The following MAGI2 variants were observed in gnomAD, a reference collection of about 807,000 sequenced individuals.
MAGI2 encodes the protein membrane-associated guanylate kinase, WW and PDZ domain-containing protein 2.
In MAGI2, 35 loss-of-function variants were observed where a neutral mutation model predicts 133.3. That is an observed-to-expected ratio of 0.26 (90% CI 0.20 to 0.35). The LOEUF (loss-of-function observed/expected upper bound fraction) is 0.35. Among genes scored for constraint, MAGI2 ranks in the 10% least tolerant of loss-of-function variants. The pLI is 1.00. For synonymous variants in MAGI2, 729 were observed against 710.6 expected (o/e 1.03, Z -0.41); for missense variants, 1,636 against 1,863.4 (o/e 0.88, Z 2.25).
chr7:78,569,916 G>A (rs1426884123), intron 3 of MAGI2, among the ~76,000 whole-genome samples: 2 of 152,108 alleles, frequency 1.3e-5, no homozygotes, highest in Admixed American at 1.3e-4. Flanking sequence ...TTGCCTGAAT[G>A]TTTTTGCTCA....
intron 2 of MAGI2, among the ~76,000 whole-genome samples, chr7:78,805,149 A>G (rs1331052297): frequency 6.6e-6 from 1 of 152,096 alleles, no homozygotes; most frequent in Non-Finnish European, 1.5e-5. Context: ...CTACGACTCT[A>G]AATATCTAGG....
At chr7:78,463,413 C>T (rs1328013130) in intron 6 of MAGI2, among the ~76,000 whole-genome samples, 1 of 152,192 alleles carries the variant, frequency 6.6e-6, no homozygotes, top group Non-Finnish European at 1.5e-5. Flanking sequence ...AAAGAACCAA[C>T]CCAGAAAGAG....
intron 1 of MAGI2, among the ~76,000 whole-genome samples, chr7:79,347,877 AG>A (rs1841435581): frequency 6.6e-6 from 1 of 151,970 alleles, no homozygotes; most frequent in Admixed American, 6.6e-5. Context: ...AAAAATCTTA[AG>A]TAAAATTACT....
intron 1 of MAGI2, among the ~76,000 whole-genome samples, chr7:79,206,825 C>T (rs2129552338): frequency 6.6e-6 from 1 of 151,802 alleles, no homozygotes; most frequent in Non-Finnish European, 1.5e-5. Flanking sequence ...CAAGTACTAA[C>T]AAATCAAATT....
chr7:78,404,368 C>G (rs926555139), intron 6 of MAGI2, among the ~76,000 whole-genome samples: 1 of 152,116 alleles, frequency 6.6e-6, no homozygotes, highest in Non-Finnish European at 1.5e-5. Context: ...CAAGTCAATC[C>G]TAAGCCAAAA....
At chr7:78,376,567 G>A (rs1386927571) in intron 6 of MAGI2, among the ~76,000 whole-genome samples, 1 of 152,050 alleles carries the variant, frequency 6.6e-6, no homozygotes, top group Non-Finnish European at 1.5e-5. Context: ...GATGAAAGAT[G>A]TGATTGCAGA....
At chr7:79,132,211 G>A (rs1485702624) in intron 1 of MAGI2, among the ~76,000 whole-genome samples, 1 of 151,932 alleles carries the variant, frequency 6.6e-6, no homozygotes, top group South Asian at 2.1e-4. Context: ...GAATTATATA[G>A]CGATGAATTC....
At chr7:79,109,548 G>A (rs1408772494) in intron 1 of MAGI2, among the ~76,000 whole-genome samples, 1 of 152,148 alleles carries the variant, frequency 6.6e-6, no homozygotes, top group African/African-American at 2.4e-5. Flanking sequence ...CTTCGATACA[G>A]GAGCAAATAT....
chr7:78,658,016 G>A (rs1584993021), intron 2 of MAGI2, among the ~76,000 whole-genome samples: 1 of 152,222 alleles, frequency 6.6e-6, no homozygotes, highest in East Asian at 1.9e-4. Context: ...ATTGGAAAGT[G>A]CTCATTCCTT....
At chr7:78,123,475 G>T (rs1205780473) in intron 20 of MAGI2, among the ~76,000 whole-genome samples, 1 of 152,150 alleles carries the variant, frequency 6.6e-6, no homozygotes, top group Admixed American at 6.5e-5. Flanking sequence ...CAAAATGCCA[G>T]CATCACTACT....
chr7:78,630,706 C>T (rs554412595), intron 2 of MAGI2, among the ~76,000 whole-genome samples: 25 of 152,018 alleles, frequency 1.6e-4, no homozygotes, highest in Non-Finnish European at 1.3e-4. Flanking sequence ...TGAGCCACTG[C>T]GCCCGGCTGT....
At chr7:78,818,648 G>C (rs778619571) in intron 2 of MAGI2, among the ~76,000 whole-genome samples, 2 of 152,144 alleles carry the variant, frequency 1.3e-5, no homozygotes, top group Non-Finnish European at 2.9e-5. Flanking sequence ...CATCCACATT[G>C]TTGGTTTAGT....
intron 1 of MAGI2, among the ~76,000 whole-genome samples, chr7:79,048,635 T>A (rs554675826): frequency 2.0e-5 from 3 of 152,334 alleles, no homozygotes; most frequent in Non-Finnish European, 4.4e-5. Context: ...AATATTAGTA[T>A]AGGTTCTGCT....
intron 2 of MAGI2, among the ~76,000 whole-genome samples, chr7:78,734,036 T>C (rs1156663899): frequency 6.6e-6 from 1 of 152,194 alleles, no homozygotes; most frequent in Non-Finnish European, 1.5e-5. Flanking sequence ...ACTATATGGA[T>C]TGAACCTATT....
intron 1 of MAGI2, among the ~76,000 whole-genome samples, chr7:79,149,079 G>GAT (rs889344528): frequency 1.3e-4 from 18 of 139,516 alleles, no homozygotes; most frequent in African/African-American, 4.8e-4. Flanking sequence ...TATATATATG[G>GAT]ATATATATTT....
chr7:79,068,212 C>T (rs974986813), intron 1 of MAGI2, among the ~76,000 whole-genome samples: 7 of 152,112 alleles, frequency 4.6e-5, no homozygotes, highest in African/African-American at 9.7e-5. Flanking sequence ...TGGTAGAATT[C>T]GGCTGTGAAT....
chr7:78,440,037 T>C (rs558252377), intron 6 of MAGI2, among the ~76,000 whole-genome samples: 51 of 151,950 alleles, frequency 3.4e-4, no homozygotes, highest in Non-Finnish European at 4.0e-4. Context: ...TATATACACA[T>C]ATATATATAA....
intron 3 of MAGI2, among the ~76,000 whole-genome samples, chr7:78,561,661 G>A (rs1018448741): frequency 1.3e-5 from 2 of 152,156 alleles, no homozygotes; most frequent in Admixed American, 6.5e-5. Flanking sequence ...TTGAGAGAAC[G>A]AGCTGCCTCT....
intron 3 of MAGI2, among the ~76,000 whole-genome samples, chr7:78,538,277 T>C (rs1219390855): frequency 2.0e-5 from 3 of 152,188 alleles, no homozygotes; most frequent in African/African-American, 7.2e-5. Context: ...TCCAAATTTG[T>C]TCTTTTTGCT....
Sources: gnomAD v4.1 joint callset for allele counts (sites outside exome capture counted in the v4.1 genomes callset) on GRCh38, gnomAD v4.1.1 for gene constraint, MANE v1.5 for transcripts, NCBI Gene and HGNC (gene_info 2026-07-23, HGNC 2026-07-21) for gene names.